Variants in THSD7B observed in about 807,000 individuals in gnomAD.
The protein encoded by THSD7B is thrombospondin type 1 domain containing 7B, also known as thrombospondin type-1 domain-containing protein 7B.
A neutral mutation model predicts 213.6 loss-of-function variants in THSD7B; 138 were observed. The ratio of observed to expected loss-of-function variants is 0.65; its 90% confidence interval spans 0.56 to 0.74. The LOEUF is 0.74. Ranked by LOEUF, THSD7B falls within the 30% of genes least tolerant of loss-of-function variation. THSD7B has a pLI of 0.00. For synonymous variants in THSD7B, 742 were observed against 687.0 expected (o/e 1.08, Z -1.25); for missense variants, 1,931 against 1,991.5 (o/e 0.97, Z 0.58).
chr2:136,964,572 T>A (rs946608795), intron 2 of THSD7B, among the ~76,000 whole-genome samples: 6 of 152,188 alleles, frequency 3.9e-5, no homozygotes, highest in Non-Finnish European at 8.8e-5. Context: ...TATCAACACA[T>A]TTTCTCCCTA....
At chr2:137,160,185 C>T (rs1415658885) in intron 5 of THSD7B, 28 bp from the exon 6 acceptor site, 10 of 1,598,934 alleles carry the variant, frequency 6.3e-6, no homozygotes, top group Non-Finnish European at 8.5e-6. Flanking sequence ...GAGAATGTGA[C>T]ATGGTCCGTT....
intron 1 of THSD7B, among the ~76,000 whole-genome samples, chr2:136,855,158 T>C (rs1683158055): frequency 6.6e-6 from 1 of 152,180 alleles, no homozygotes; most frequent in Non-Finnish European, 1.5e-5. Flanking sequence ...TTTGGTTTTC[T>C]GTATATTTAT....
chr2:137,085,425 A>G (rs1476238370), intron 3 of THSD7B, among the ~76,000 whole-genome samples: 1 of 152,162 alleles, frequency 6.6e-6, no homozygotes, highest in Non-Finnish European at 1.5e-5. Context: ...TAAAATAAAA[A>G]TATTTTATTA....
At chr2:137,342,696 T>C (rs1209700276) in intron 12 of THSD7B, among the ~76,000 whole-genome samples, 1 of 113,126 alleles carries the variant, frequency 8.8e-6, no homozygotes, top group Non-Finnish European at 1.9e-5. Context: ...CTATACCTAA[T>C]TTGGTGAGAA....
intron 25 of THSD7B, among the ~76,000 whole-genome samples, chr2:137,663,062 C>CA (rs1683381379): frequency 8.7e-5 from 11 of 126,002 alleles, no homozygotes; most frequent in African/African-American, 3.2e-4. Context: ...GAAACTCCAT[C>CA]TAAAAAAAAA....
At chr2:137,506,772 G>C (rs1209277774) in intron 15 of THSD7B, among the ~76,000 whole-genome samples, 1 of 152,162 alleles carries the variant, frequency 6.6e-6, no homozygotes, top group Non-Finnish European at 1.5e-5. Flanking sequence ...GTAAGCTCTC[G>C]TAGCCTGGGA....
chr2:137,101,148 C>T (rs944578936), intron 4 of THSD7B, among the ~76,000 whole-genome samples: 5 of 152,144 alleles, frequency 3.3e-5, no homozygotes, highest in Admixed American at 6.5e-5. Flanking sequence ...GGTGATTCTC[C>T]CACCTCAGCC....
chr2:137,124,748 G>T (rs891649083), intron 5 of THSD7B, among the ~76,000 whole-genome samples: 1 of 152,098 alleles, frequency 6.6e-6, no homozygotes, highest in Non-Finnish European at 1.5e-5. Context: ...AAGTAAAAAT[G>T]TTATGTACTT....
intron 12 of THSD7B, among the ~76,000 whole-genome samples, chr2:137,361,477 A>C (rs922925223): frequency 2.0e-5 from 3 of 152,176 alleles, no homozygotes; most frequent in Non-Finnish European, 4.4e-5. Context: ...GGAAGCTAAA[A>C]ACCTTGAAAA....
chr2:137,649,646 G>C (rs2104811392), intron 21 of THSD7B, among the ~76,000 whole-genome samples: 1 of 152,292 alleles, frequency 6.6e-6, no homozygotes, highest in African/African-American at 2.4e-5. Context: ...ATATAAGTCT[G>C]AGTTTTTTAT....
At chr2:137,327,197 G>A (rs1217380209) in intron 12 of THSD7B, among the ~76,000 whole-genome samples, 1 of 152,200 alleles carries the variant, frequency 6.6e-6, no homozygotes, top group Non-Finnish European at 1.5e-5. Flanking sequence ...AACTGAGACA[G>A]CTGGACTAGG....
chr2:137,673,925 A>AT, intron 27 of THSD7B, among the ~76,000 whole-genome samples: 1 of 152,190 alleles, frequency 6.6e-6, no homozygotes, highest in African/African-American at 2.4e-5. Flanking sequence ...AATCCCAATG[A>AT]TCCCCAGCAC....
At chr2:137,433,892 G>T (rs1573623291) in intron 14 of THSD7B, among the ~76,000 whole-genome samples, 1 of 152,040 alleles carries the variant, frequency 6.6e-6, no homozygotes, top group African/African-American at 2.4e-5. Flanking sequence ...GCTGCCCTTT[G>T]GGTACCATAA....
rs1042750873 is a variant in THSD7B at position 137,145,641 on chromosome 2, A to G, written c.1370-14572A>G. On this transcript the variant is annotated intron_variant, in intron 5 of 27. Transcript: ENST00000409968. Reference sequence around the variant, plus strand: ...ATATTAGCCATAATAAGTATGTCTTATCTGTGGGCTTCATCGATTTGAACA... The same window carrying G: ...ATATTAGCCATAATAAGTATGTCTTGTCTGTGGGCTTCATCGATTTGAACA... Among the ~76,000 whole-genome samples, 6 of 152,068 alleles carry G rather than the reference A, an allele frequency of 3.9e-5. 1 individual carries two copies. Among genetic ancestry groups the G allele is most frequent in the Non-Finnish European group, 8.8e-5 (6 of 67,978 alleles).
At chr2:136,872,571 C>G (rs1042274163) in intron 1 of THSD7B, among the ~76,000 whole-genome samples, 1 of 146,634 alleles carries the variant, frequency 6.8e-6, no homozygotes, top group East Asian at 1.9e-4. Flanking sequence ...TTCTTTTCTT[C>G]TTTCTCTTTC....
At chr2:136,930,492 C>T (rs1684608574) in intron 2 of THSD7B, among the ~76,000 whole-genome samples, 1 of 152,192 alleles carries the variant, frequency 6.6e-6, no homozygotes, top group African/African-American at 2.4e-5. Context: ...ATCTCTATGA[C>T]AGGCCATACA....
At chr2:137,036,847 C>G (rs1381647520) in intron 2 of THSD7B, among the ~76,000 whole-genome samples, 1 of 152,156 alleles carries the variant, frequency 6.6e-6, no homozygotes, top group Non-Finnish European at 1.5e-5. Context: ...GAACCTTTCT[C>G]TGTCCACTTA....
At chr2:137,183,951 A>G (rs981295512) in intron 7 of THSD7B, among the ~76,000 whole-genome samples, 1 of 152,168 alleles carries the variant, frequency 6.6e-6, no homozygotes, top group East Asian at 1.9e-4. Context: ...ATTAAAGATA[A>G]TGGAACCTTC....
At chr2:137,193,107 T>C (rs1573877898) in intron 7 of THSD7B, among the ~76,000 whole-genome samples, 1 of 152,060 alleles carries the variant, frequency 6.6e-6, no homozygotes, top group Non-Finnish European at 1.5e-5. Context: ...CCCTTCAGAG[T>C]CCAGCCAATC....
Sources: gnomAD v4.1 joint callset for allele counts (sites outside exome capture counted in the v4.1 genomes callset) on GRCh38, gnomAD v4.1.1 for gene constraint, MANE v1.5 for transcripts, NCBI Gene and HGNC (gene_info 2026-07-23, HGNC 2026-07-21) for gene names.